Variants in TMEM161B observed in about 807,000 individuals in gnomAD.
The protein encoded by TMEM161B is transmembrane protein 161B.
TMEM161B carries 34 observed loss-of-function variants against 61.8 expected under a neutral mutation model. The observed-to-expected ratio is 0.55, with a 90% confidence interval of 0.42 to 0.73. The LOEUF (loss-of-function observed/expected upper bound fraction) is 0.73, where lower values mean the gene tolerates loss of function less well. TMEM161B is among the 30% of genes least tolerant of loss of function. The pLI is 0.00. For synonymous variants in TMEM161B, 167 were observed against 192.8 expected (o/e 0.87, Z 1.11); for missense variants, 456 against 558.5 (o/e 0.82, Z 1.85).
chr5:88,189,295 T>C (rs1020393964), downstream of TMEM161B, among the ~76,000 whole-genome samples: 15 of 152,102 alleles, frequency 9.9e-5, no homozygotes, highest in African/African-American at 3.6e-4. Context: ...TTTAAAAAAA[T>C]GAGTTCCACA....
At chr5:88,190,533 A>G (rs1170867604), downstream of TMEM161B, among the ~76,000 whole-genome samples, 1 of 152,144 alleles carries the variant, frequency 6.6e-6, no homozygotes, top group Non-Finnish European at 1.5e-5. Flanking sequence ...CAGGTGCTTG[A>G]GGGAGCAGAG....
At chr5:88,265,232 C>T (rs1447138119) in intron 1 of TMEM161B, among the ~76,000 whole-genome samples, 1 of 152,152 alleles carries the variant, frequency 6.6e-6, no homozygotes, top group African/African-American at 2.4e-5. Context: ...AGTATATTAA[C>T]CCACTTTTCA....
At chr5:88,209,476 T>C (rs961168052) in intron 5 of TMEM161B, among the ~76,000 whole-genome samples, 3 of 152,162 alleles carry the variant, frequency 2.0e-5, no homozygotes, top group African/African-American at 4.8e-5. Flanking sequence ...CACCACACTT[T>C]GTTATCCTAG....
intron 1 of TMEM161B, among the ~76,000 whole-genome samples, chr5:88,246,393 T>G (rs1753624598): frequency 6.6e-6 from 1 of 151,842 alleles, no homozygotes; most frequent in South Asian, 2.1e-4. Flanking sequence ...CCTTTTCATG[T>G]AAATTTAAAA....
downstream of TMEM161B, among the ~76,000 whole-genome samples, chr5:88,193,192 T>C (rs1287463211): frequency 6.6e-6 from 1 of 152,118 alleles, no homozygotes; most frequent in Non-Finnish European, 1.5e-5. Flanking sequence ...GGAGGAAGAA[T>C]ACAGCTCTGA....
rs1256140890 is a variant in TMEM161B at position 88,236,758 on chromosome 5, CT to C, written c.107+4054del. The stretch of plus-strand genomic sequence containing the variant: ...CTTTTAATTTAATTTAAAATAAAAG[CT>C]GATTATGTTGTCATGGAGAATCCAT... On this transcript the variant is annotated intron_variant, in intron 2 of 11. Transcript: ENST00000296595. Among the ~76,000 whole-genome samples, 109 of 152,246 alleles carry C rather than the reference CT, an allele frequency of 7.2e-4. 1 individual carries two copies. The highest frequency in any genetic ancestry group is 2.5e-3 in the African/African-American group (103 of 41,552).
downstream of TMEM161B, among the ~76,000 whole-genome samples, chr5:88,194,574 T>C (rs368001474): frequency 7.9e-5 from 12 of 152,228 alleles, no homozygotes; most frequent in East Asian, 1.9e-3. Context: ...CTCCATACTG[T>C]TTTCCATAGG....
At chr5:88,236,386 A>G (rs767334496) in intron 2 of TMEM161B, among the ~76,000 whole-genome samples, 1 of 152,186 alleles carries the variant, frequency 6.6e-6, no homozygotes, top group East Asian at 1.9e-4. Flanking sequence ...TGCAAAACCC[A>G]CTATTCAAAT....
chr5:88,227,680 C>T (rs949951877), intron 3 of TMEM161B, among the ~76,000 whole-genome samples: 3 of 152,082 alleles, frequency 2.0e-5, no homozygotes, highest in Non-Finnish European at 2.9e-5. Flanking sequence ...GCTAGGTTAG[C>T]ATTTTTATGA....
intron 2 of TMEM161B, among the ~76,000 whole-genome samples, chr5:88,236,525 G>A (rs889115308): frequency 6.6e-6 from 1 of 152,158 alleles, no homozygotes; most frequent in East Asian, 1.9e-4. Flanking sequence ...TGGTATATGG[G>A]ACATGATAAG....
intron 1 of TMEM161B, among the ~76,000 whole-genome samples, chr5:88,242,050 C>T (rs573104743): frequency 6.6e-6 from 1 of 151,872 alleles, no homozygotes; most frequent in South Asian, 2.1e-4. Flanking sequence ...TCTTTAATCT[C>T]TTTTCTATTT....
Position 88,222,593 on chromosome 5 carries a change from G to C in TMEM161B, c.290-1874C>G, listed in dbSNP as rs372901718. Among the ~76,000 whole-genome samples the C allele has an allele frequency of 1.1e-4, 16 of 152,242 alleles. No individual in the cohort carries two copies. In the East Asian group the frequency reaches 2.3e-3, roughly 22 times the overall value. On this transcript the variant is annotated intron_variant, in intron 4 of 11. Transcript: ENST00000296595. ...ATTTTATTATCAATAATTGAAATAA[G>C]CATTCTAATTCTCCAAACCTACCCA...
intron 5 of TMEM161B, 108 bp from the exon 6 acceptor site, chr5:88,207,288 C>A: frequency 9.2e-7 from 1 of 1,081,814 alleles, no homozygotes. Flanking sequence ...CATTTATTTC[C>A]AAGTGGAGTT....
At chr5:88,244,269 T>C (rs1019273617) in intron 1 of TMEM161B, among the ~76,000 whole-genome samples, 1 of 151,916 alleles carries the variant, frequency 6.6e-6, no homozygotes, top group Non-Finnish European at 1.5e-5. Context: ...TGGTTTTTGA[T>C]TTTAGGTTTA....
downstream of TMEM161B, chr5:88,190,154 A>G (rs1164937319): frequency 1.4e-6 from 1 of 700,958 alleles, no homozygotes. Context: ...AATACTTGTT[A>G]CCTCCACACT....
chr5:88,224,957 A>ATGT (rs1749716100), intron 4 of TMEM161B, among the ~76,000 whole-genome samples: 3 of 128,838 alleles, frequency 2.3e-5, no homozygotes, highest in Non-Finnish European at 3.3e-5. Flanking sequence ...CACACAAAAT[A>ATGT]TGTTTTTGTT....
intron 5 of TMEM161B, 27 bp from the exon 6 acceptor site, chr5:88,207,207 C>A (rs759680888): frequency 1.2e-5 from 19 of 1,589,824 alleles, no homozygotes; most frequent in African/African-American, 5.5e-5. Context: ...TCAGGAAAAA[C>A]CACAATAAAT....
At chr5:88,239,475 G>C (rs1200427516) in intron 2 of TMEM161B, among the ~76,000 whole-genome samples, 2 of 151,886 alleles carry the variant, frequency 1.3e-5, no homozygotes, top group Admixed American at 1.3e-4. Context: ...GTTTTGCTAA[G>C]CTAAATCAGT....
At chr5:88,213,638 T>C (rs1747282878) in intron 5 of TMEM161B, among the ~76,000 whole-genome samples, 1 of 152,158 alleles carries the variant, frequency 6.6e-6, no homozygotes, top group African/African-American at 2.4e-5. Context: ...AATTATCACT[T>C]TGCAGCTAAA....
Sources: allele counts gnomAD v4.1 joint callset (sites outside exome capture counted in the v4.1 genomes callset), GRCh38; gene constraint gnomAD v4.1.1; transcripts MANE v1.5; gene names NCBI Gene and HGNC (gene_info 2026-07-23, HGNC 2026-07-21).